GSR: variants seen among roughly 807,000 people sequenced by gnomAD.
GSR encodes the protein glutathione reductase, mitochondrial.
GSR carries 48 observed loss-of-function variants against 56.5 expected under a neutral mutation model. The observed-to-expected ratio is 0.85, with a 90% CI of 0.67 to 1.08. GSR has a LOEUF of 1.08. GSR is among the 50% of genes least tolerant of loss of function. The probability of loss-of-function intolerance (pLI) is 0.00; values close to 1 mark genes in which losing one functional copy is unlikely to be tolerated. For synonymous variants in GSR, 264 were observed against 270.8 expected (o/e 0.97, Z 0.25); for missense variants, 694 against 703.3 (o/e 0.99, Z 0.15).
intron 1 of GSR, among the ~76,000 whole-genome samples, chr8:30,713,830 T>C (rs568222984): frequency 2.8e-4 from 42 of 152,324 alleles, no homozygotes; most frequent in African/African-American, 9.1e-4. Context: ...TAGTCACATA[T>C]TATGCTCCCG....
At chr8:30,716,673 T>C (rs556096179) in intron 1 of GSR, among the ~76,000 whole-genome samples, 10 of 152,154 alleles carry the variant, frequency 6.6e-5, no homozygotes, top group East Asian at 1.9e-4. Flanking sequence ...CCAGGTGTGA[T>C]AGTGAAGCCT....
intron 1 of GSR, 119 bp from the exon 2 acceptor site, chr8:30,712,207 G>C: frequency 1.6e-6 from 1 of 626,456 alleles, no homozygotes. Context: ...CTAAGTCACA[G>C]TGTACTAAAT....
At chr8:30,697,413 C>CA (rs370668599) in intron 6 of GSR, among the ~76,000 whole-genome samples, 1,962 of 143,246 alleles carry the variant, frequency 0.014, 36 homozygotes, top group South Asian at 0.019. Flanking sequence ...GACTCTGTCT[C>CA]AAAAAAACAA....
In GSR at chr8:30,684,192, T is replaced by C; in HGVS notation, c.1049A>G (p.Gln350Arg). Reference sequence around the variant, plus strand: ...GATGATATGACCCTTGTCATCGGTTTGAATCCCCTAAAATTACAAAGAGAT... The same window carrying C: ...GATGATATGACCCTTGTCATCGGTTCGAATCCCCTAAAATTACAAAGAGAT... ...KDLSLNKLGI[Q>R]TDDKGHIIVD... is the part of the protein sequence containing the mutation. Residue 350 changes from glutamine to arginine, a missense_variant, in exon 10 of 13, where the codon CAA (glutamine) becomes CGA (arginine). Coordinates refer to ENST00000221130, the MANE Select transcript of GSR (RefSeq NM_000637.5). 6.3e-7 allele frequency: 1 copy of C among 1,582,260 alleles called. No individual in the cohort carries two copies. The highest frequency in any genetic ancestry group is 8.7e-7 in the Non-Finnish European group (1 of 1,150,808).
rs1804803820 is a variant in GSR at position 30,727,814 on chromosome 8, G to C, written c.22C>G (p.Leu8Val). ...CAGCTCGGTCCCGCGCCGGCGCTCAGGGCTCGGGGCAGCAGGGCCATGCAC... is the reference window on the plus strand; with the variant it reads ...CAGCTCGGTCCCGCGCCGGCGCTCACGGCTCGGGGCAGCAGGGCCATGCAC... The part of the protein sequence containing the change: MALLPRA[L>V]SAGAGPSWRR... Residue 8 changes from leucine to valine, a missense_variant, in exon 1 of 13, where the codon CTG (leucine) becomes GTG (valine). Transcript: ENST00000221130. The C allele has an allele frequency of 7.8e-7, 1 of 1,281,814 alleles. No homozygotes were observed. The highest frequency in any genetic ancestry group is 9.8e-7 in the Non-Finnish European group (1 of 1,018,210). 79.4% of individuals were successfully genotyped at this position (1,281,814 alleles called of 1,614,324 possible). A position where few individuals can be genotyped will look rare whatever the true frequency, so the allele number is the denominator to read the frequency against.
intron 10 of GSR, among the ~76,000 whole-genome samples, chr8:30,682,816 C>CATTATTATTAT (rs1369565065): frequency 6.6e-6 from 1 of 150,668 alleles, no homozygotes; most frequent in Non-Finnish European, 1.5e-5. Flanking sequence ...TTATTATTAT[C>CATTATTATTAT]ATTATTATTA....
At chr8:30,713,838 C>T (rs1804240059) in intron 1 of GSR, among the ~76,000 whole-genome samples, 1 of 152,102 alleles carries the variant, frequency 6.6e-6, no homozygotes, top group African/African-American at 2.4e-5. Flanking sequence ...TATTATGCTC[C>T]CGTGTCCAAA....
chr8:30,700,135 C>T lies in GSR; in HGVS notation c.641G>A (p.Gly214Asp), dbSNP rs779406633. The T allele has an allele frequency of 1.2e-6, 2 of 1,611,372 alleles. No homozygotes were observed. Among genetic ancestry groups the T allele is most frequent in the Non-Finnish European group, 1.7e-6 (2 of 1,177,638 alleles). The change falls in exon 6 of 13, where the codon GGT (glycine) becomes GAT (aspartate). Residue 214 changes from glycine to aspartate, a missense_variant and splice_region_variant. Gly to Asp is a moderately conservative substitution (Grantham distance 94). Coordinates refer to ENST00000221130, the MANE Select transcript of GSR (RefSeq NM_000637.5). Reference protein sequence around the residue: ...PSTPHESQIPGASLGITSDGF... With the variant: ...PSTPHESQIPDASLGITSDGF... ...ATCGCTGGTTATTCCTAAGCTGGCA[C>T]CTATGTAGAAAAAGGCAACATAGAT...
chr8:30,713,173 A>T (rs1182110590), intron 1 of GSR, among the ~76,000 whole-genome samples: 1 of 151,908 alleles, frequency 6.6e-6, no homozygotes, highest in East Asian at 1.9e-4. Context: ...AATAGTTGGG[A>T]CTGTAGGTGT....
At chr8:30,689,501 C>A (rs1388479667) in intron 8 of GSR, among the ~76,000 whole-genome samples, 182 bp from the exon 9 acceptor site, 1 of 152,078 alleles carries the variant, frequency 6.6e-6, no homozygotes, top group Non-Finnish European at 1.5e-5. Flanking sequence ...TCCCTTAAAC[C>A]AAGCCTGTTC....
In GSR at chr8:30,681,590, CAT is replaced by C. The variant is rs1491168745; in HGVS notation, c.1285+338_1285+339del. On this transcript the variant is annotated intron_variant, in intron 11 of 12. Transcript: ENST00000221130. The stretch of plus-strand genomic sequence containing the variant: ...AGGGCCAGTTCTTAGGAAAGATAGA[CAT>C]GTGTGTGTGTAGAGTGAAAAAATAA... Among the ~76,000 whole-genome samples the C allele has an allele frequency of 5.3e-5, 8 of 151,286 alleles. No individual in the cohort carries two copies. The South Asian group carries it at 6.2e-4, about 12-fold the overall frequency.
chr8:30,727,549 T>C lies in GSR; in HGVS notation c.287A>G (p.His96Arg). The C allele has an allele frequency of 3.9e-6, 6 of 1,537,060 alleles. No individual in the cohort carries two copies. The highest frequency in any genetic ancestry group is 5.2e-6 in the Non-Finnish European group (6 of 1,145,118). ...LGARAAVVES[H>R]KLGGTCVNVG... is the part of the protein sequence containing the mutation. ...ACTCACGCAAGTGCCACCCAGCTTG[T>C]GGCTCTCCACCACGGCGGCCCTGGC... The change falls in exon 1 of 13, where the codon CAC (histidine) becomes CGC (arginine). Residue 96 changes from histidine (H) to arginine (R), a missense_variant. Transcript: ENST00000221130.
intron 12 of GSR, among the ~76,000 whole-genome samples, chr8:30,680,248 T>C (rs1802896763): frequency 6.6e-6 from 1 of 152,144 alleles, no homozygotes; most frequent in Non-Finnish European, 1.5e-5. Flanking sequence ...TTTGTATTTT[T>C]AGTAGAGATG....
In GSR at chr8:30,712,067, T is replaced by G; in HGVS notation, c.328A>C (p.Lys110Gln). The change falls in exon 2 of 13, where the codon AAA (lysine) becomes CAA (glutamine). Residue 110 changes from lysine to glutamine, a missense_variant. Transcript: ENST00000221130. ...AAGAGAAATAAAAATTCTACCTTTT[T>G]GGGTACACATCCAACATTCACCTGG... Reference protein sequence around the residue: ...GTCVNVGCVPKKVMWNTAVHS... With the variant: ...GTCVNVGCVPQKVMWNTAVHS... 1 of 1,426,744 alleles carries G rather than the reference T, an allele frequency of 7.0e-7. No individual in the cohort carries two copies. The highest frequency in any genetic ancestry group is 9.9e-7 in the Non-Finnish European group (1 of 1,014,988). 88.4% of individuals were successfully genotyped at this position (1,426,744 alleles called of 1,614,324 possible). A position where few individuals can be genotyped will look rare whatever the true frequency, so the allele number is the denominator to read the frequency against.
intron 4 of GSR, among the ~76,000 whole-genome samples, chr8:30,706,002 A>G (rs1003658573): frequency 1.3e-5 from 2 of 152,038 alleles, no homozygotes; most frequent in Non-Finnish European, 2.9e-5. Context: ...ACAGTGGCCT[A>G]ATTATCATCA....
At chr8:30,719,408 G>A (rs919649766) in intron 1 of GSR, among the ~76,000 whole-genome samples, 6 of 151,492 alleles carry the variant, frequency 4.0e-5, no homozygotes, top group South Asian at 2.1e-4. Context: ...GAGCCACCGC[G>A]CCTGGCCAAT....
At position 30,684,206 on chromosome 8, in the gene GSR, T is replaced by C; in HGVS notation, c.1042-7A>G. The C allele has an allele frequency of 1.3e-6, 2 of 1,515,942 alleles. No homozygotes were observed. The highest frequency in any genetic ancestry group is 1.8e-6 in the Non-Finnish European group (2 of 1,090,420). 93.9% of individuals were successfully genotyped at this position (1,515,942 alleles called of 1,614,324 possible). ...TGTCATCGGTTTGAATCCCCTAAAATTACAAAGAGATATCATGTAACCACT... is the reference window on the plus strand; with the variant it reads ...TGTCATCGGTTTGAATCCCCTAAAACTACAAAGAGATATCATGTAACCACT... On this transcript the variant is annotated splice_polypyrimidine_tract_variant and splice_region_variant and intron_variant, in intron 9 of 12. Coordinates refer to ENST00000221130, the MANE Select transcript of GSR (RefSeq NM_000637.5).
intron 4 of GSR, among the ~76,000 whole-genome samples, chr8:30,705,781 C>T (rs1202308909): frequency 6.6e-6 from 1 of 152,070 alleles, no homozygotes; most frequent in Admixed American, 6.6e-5. Flanking sequence ...TTAGTACTGC[C>T]AGTGTTACTC....
chr8:30,702,534 C>T (rs1245105846), intron 5 of GSR, among the ~76,000 whole-genome samples: 1 of 152,096 alleles, frequency 6.6e-6, no homozygotes, highest in Non-Finnish European at 1.5e-5. Flanking sequence ...TAAATAACAA[C>T]CCGTCTGACA....
Sources: allele counts gnomAD v4.1 joint callset (sites outside exome capture counted in the v4.1 genomes callset), GRCh38; gene constraint gnomAD v4.1.1; transcripts MANE v1.5; gene names NCBI Gene and HGNC (gene_info 2026-07-23, HGNC 2026-07-21).